Variants in CEP85L observed in about 807,000 individuals in gnomAD.
CEP85L encodes centrosomal protein of 85 kDa-like.
In CEP85L, 60 loss-of-function variants were observed where a neutral mutation model predicts 100.3. The ratio of observed to expected loss-of-function variants is 0.60; its 90% CI spans 0.49 to 0.74. CEP85L has a LOEUF of 0.74. Ranked by LOEUF, CEP85L falls within the 30% of genes least tolerant of loss-of-function variation. The pLI is 0.00. For missense variants in CEP85L, 973 were observed against 936.2 expected (o/e 1.04, Z -0.51); for synonymous variants, 319 against 322.7 (o/e 0.99, Z 0.12).
chr6:118,705,050 C>G (rs529018055), intron 1 of CEP85L, among the ~76,000 whole-genome samples: 2 of 152,196 alleles, frequency 1.3e-5, no homozygotes, highest in South Asian at 4.1e-4. Context: ...TTCCCCATTC[C>G]TTTATTCCCT....
Position 118,491,685 on chromosome 6 carries a change from C to T in CEP85L, c.1437+1G>A, listed in dbSNP as rs755170798. 9 of 1,609,196 alleles carry T rather than the reference C, an allele frequency of 5.6e-6. 1 individual carries two copies. The South Asian group carries it at 1.0e-4, about 18-fold the overall frequency. The stretch of plus-strand genomic sequence containing the variant: ...AATTCAACTTTATTAGAAAAACCTA[C>T]TTTTTCCTCTAGTTTCTTCTTCTCT... On this transcript the variant is annotated splice_donor_variant, in intron 6 of 12. Coordinates refer to ENST00000368491, the MANE Select transcript of CEP85L (RefSeq NM_001042475.3). LOFTEE classifies it high-confidence loss of function.
chr6:118,474,025 T>C (rs1310247982), intron 10 of CEP85L, among the ~76,000 whole-genome samples: 1 of 152,202 alleles, frequency 6.6e-6, no homozygotes, highest in East Asian at 1.9e-4. Context: ...ATCTTGTAAC[T>C]TGATAAAACT....
At chr6:118,556,982 A>G (rs576399720) in intron 3 of CEP85L, among the ~76,000 whole-genome samples, 1 of 152,336 alleles carries the variant, frequency 6.6e-6, no homozygotes, top group East Asian at 1.9e-4. Context: ...GATCTCTGAA[A>G]GAAGGCATGA....
intron 5 of CEP85L, among the ~76,000 whole-genome samples, 200 bp downstream of exon 5, chr6:118,511,098 C>CT (rs372408650): frequency 1.7e-4 from 26 of 152,194 alleles, no homozygotes; most frequent in African/African-American, 6.0e-4. Flanking sequence ...ACAGTAGTTC[C>CT]TGTATGTGTG....
chr6:118,701,760 C>A (rs1254570280), intron 1 of CEP85L, among the ~76,000 whole-genome samples: 1 of 152,022 alleles, frequency 6.6e-6, no homozygotes, highest in East Asian at 1.9e-4. Context: ...ACACATACCC[C>A]CAAATCTAAA....
intron 1 of CEP85L, among the ~76,000 whole-genome samples, chr6:118,699,684 T>TTAC (rs953359271): frequency 7.9e-5 from 12 of 151,930 alleles, no homozygotes; most frequent in African/African-American, 2.9e-4. Context: ...ATTATTATTA[T>TTAC]TACTACTATT....
chr6:118,572,757 T>C (rs1434329546), intron 2 of CEP85L, among the ~76,000 whole-genome samples: 3 of 151,804 alleles, frequency 2.0e-5, no homozygotes, highest in African/African-American at 4.8e-5. Flanking sequence ...AATACAAACA[T>C]ATTAATCTCA....
At chr6:118,587,357 A>AAG (rs1780922787) in intron 2 of CEP85L, among the ~76,000 whole-genome samples, 4 of 152,230 alleles carry the variant, frequency 2.6e-5, no homozygotes, top group Admixed American at 2.6e-4. Flanking sequence ...TGATGGAGTA[A>AAG]TAGCAAATGC....
chr6:118,520,796 G>C (rs1257521727), intron 4 of CEP85L, among the ~76,000 whole-genome samples: 1 of 152,144 alleles, frequency 6.6e-6, no homozygotes, highest in Non-Finnish European at 1.5e-5. Flanking sequence ...CCTTCACCCA[G>C]TCAGTTAAGG....
intron 1 of CEP85L, among the ~76,000 whole-genome samples, chr6:118,691,994 C>T (rs1031688672): frequency 6.6e-6 from 1 of 152,042 alleles, no homozygotes; most frequent in African/African-American, 2.4e-5. Context: ...GTCTTTTCTT[C>T]CTCCATGAAG....
chr6:118,577,101 A>C (rs1249463751), intron 2 of CEP85L, among the ~76,000 whole-genome samples: 2 of 152,150 alleles, frequency 1.3e-5, no homozygotes, highest in Admixed American at 1.3e-4. Flanking sequence ...TCGGCCCCTG[A>C]GGGCTATCCA....
At chr6:118,663,990 G>A (rs1388123783) in intron 1 of CEP85L, among the ~76,000 whole-genome samples, 2 of 150,440 alleles carry the variant, frequency 1.3e-5, no homozygotes, top group Non-Finnish European at 3.0e-5. Context: ...TGACCTTCTG[G>A]GCTCAAGTGA....
At chr6:118,520,576 G>GA (rs577729507) in intron 4 of CEP85L, among the ~76,000 whole-genome samples, 461 of 151,934 alleles carry the variant, frequency 3.0e-3, no homozygotes, top group Non-Finnish European at 4.5e-3. Flanking sequence ...CTAGCTATTT[G>GA]AAAAAAATAT....
rs528126447 is a variant in CEP85L at position 118,631,180 on chromosome 6, G to A, written c.232+1273C>T. On this transcript the variant is annotated intron_variant, in intron 2 of 12. Transcript: ENST00000368491. Reference sequence around the variant, plus strand: ...CATGTGTGGGGACAAGAGATATACAGGAAATCTCTGTACCTCCCAATGAAT... The same window carrying A: ...CATGTGTGGGGACAAGAGATATACAAGAAATCTCTGTACCTCCCAATGAAT... 3.3e-5 allele frequency among the ~76,000 whole-genome samples: 5 copies of A among 152,164 alleles called. No individual in the cohort carries two copies. The East Asian group carries it at 9.7e-4, about 29-fold the overall frequency.
intron 2 of CEP85L, among the ~76,000 whole-genome samples, chr6:118,600,314 T>TGC: frequency 1.2e-5 from 1 of 83,972 alleles, no homozygotes; most frequent in African/African-American, 4.3e-5. Context: ...TGTGTGTGTG[T>TGC]GTGTGTGTGT....
At chr6:118,545,103 C>A (rs1778119583) in intron 3 of CEP85L, among the ~76,000 whole-genome samples, 1 of 152,228 alleles carries the variant, frequency 6.6e-6, no homozygotes, top group South Asian at 2.1e-4. Flanking sequence ...TCAAAGCTTG[C>A]ATTTTACTGT....
chr6:118,565,491 C>T (rs1468186014), intron 3 of CEP85L, 38 bp downstream of exon 3: 1 of 1,587,484 alleles, frequency 6.3e-7, no homozygotes, highest in African/African-American at 1.3e-5. Flanking sequence ...CTCATAACAT[C>T]CACTGGAGGG....
intron 4 of CEP85L, among the ~76,000 whole-genome samples, chr6:118,520,323 T>A (rs930189592): frequency 6.6e-6 from 1 of 152,164 alleles, no homozygotes; most frequent in African/African-American, 2.4e-5. Context: ...TACAAAAAAA[T>A]ACCTACTTAA....
chr6:118,588,493 C>T (rs1780994815), intron 2 of CEP85L, among the ~76,000 whole-genome samples: 1 of 152,158 alleles, frequency 6.6e-6, no homozygotes, highest in South Asian at 2.1e-4. Context: ...CATGCTGCTT[C>T]TGGATTAACC....
Sources: allele counts gnomAD v4.1 joint callset (sites outside exome capture counted in the v4.1 genomes callset), GRCh38; gene constraint gnomAD v4.1.1; transcripts MANE v1.5; gene names NCBI Gene and HGNC (gene_info 2026-07-23, HGNC 2026-07-21).